The following PIGU variants were observed in gnomAD, a reference collection of about 807,000 sequenced individuals.
PIGU encodes the protein phosphatidylinositol glycan anchor biosynthesis class U, also known as GPI-anchor transamidase component PIGU.
In PIGU, 24 loss-of-function variants were observed where a neutral mutation model predicts 49.9. The observed-to-expected ratio is 0.48, with a 90% CI of 0.35 to 0.68. PIGU has a LOEUF of 0.68. Ranked by LOEUF, PIGU falls within the 30% of genes least tolerant of loss-of-function variation. The pLI, the probability that PIGU is intolerant of heterozygous loss-of-function variation, is 0.01. For synonymous variants in PIGU, 220 were observed against 205.7 expected (o/e 1.07, Z -0.59); for missense variants, 490 against 532.6 (o/e 0.92, Z 0.79).
At chr20:34,657,340 A>T in intron 1 of PIGU, 96 bp from the exon 2 acceptor site, 1 of 840,248 alleles carries the variant, frequency 1.2e-6, no homozygotes, top group South Asian at 1.5e-5. Flanking sequence ...CTTAGCGTTT[A>T]TCTAACCCCC....
Position 34,648,653 on chromosome 20 carries a change from A to AC in PIGU, c.196-3320dup, listed in dbSNP as rs888711941. Among the ~76,000 whole-genome samples the AC allele has an allele frequency of 3.3e-5, 5 of 151,288 alleles. No homozygotes were observed. The East Asian group carries it at 5.8e-4, about 18-fold the overall frequency. ...AGCCTTGACCTCCCAGACTCAGGTG[A>AC]CCCCCCTACCTTACCCTCCTGAGTA... On this transcript the variant is annotated intron_variant, in intron 2 of 11. Transcript: ENST00000217446.
intron 1 of PIGU, among the ~76,000 whole-genome samples, chr20:34,659,106 C>A (rs536020230): frequency 2.1e-5 from 3 of 143,638 alleles, no homozygotes; most frequent in East Asian, 2.2e-4. Flanking sequence ...CGGCCAGCCG[C>A]CCCGTCCGGG....
At chr20:34,664,926 G>A (rs906365120) in intron 1 of PIGU, among the ~76,000 whole-genome samples, 9 of 152,060 alleles carry the variant, frequency 5.9e-5, no homozygotes, top group African/African-American at 1.7e-4. Flanking sequence ...GCTGCAGTAA[G>A]CTGTGATTGT....
chr20:34,662,680 G>A (rs1416153828), intron 1 of PIGU, among the ~76,000 whole-genome samples: 1 of 152,064 alleles, frequency 6.6e-6, no homozygotes, highest in Admixed American at 6.6e-5. Flanking sequence ...AAATAGGTTT[G>A]TTTGTAGAGT....
At chr20:34,565,872 G>A (rs568318583) in intron 11 of PIGU, among the ~76,000 whole-genome samples, 13 of 139,918 alleles carry the variant, frequency 9.3e-5, no homozygotes, top group Admixed American at 1.5e-4. Flanking sequence ...ACACATACAC[G>A]CATGCTTGCA....
At chr20:34,670,162 T>C (rs1302937944) in intron 1 of PIGU, among the ~76,000 whole-genome samples, 2 of 150,846 alleles carry the variant, frequency 1.3e-5, no homozygotes, top group South Asian at 2.1e-4. Flanking sequence ...ATGTGTGTCT[T>C]ACAAATTCTG....
In PIGU at chr20:34,607,852, G is replaced by A. The variant is rs1006862910; in HGVS notation, c.627+8190C>T. Among the ~76,000 whole-genome samples the A allele has an allele frequency of 7.9e-5, 12 of 152,196 alleles. No homozygotes were observed. The East Asian group carries it at 1.3e-3, about 17-fold the overall frequency. ...ACTGGTCTTAAACTCCTGGGATCAA[G>A]TGATCCTCCTGCCTCAGCCTCCCTA... On this transcript the variant is annotated intron_variant, in intron 7 of 11. Transcript: ENST00000217446.
intron 1 of PIGU, among the ~76,000 whole-genome samples, chr20:34,675,788 C>T (rs1165160619): frequency 1.3e-5 from 2 of 152,048 alleles, no homozygotes; most frequent in African/African-American, 4.8e-5. Flanking sequence ...CCAAGTGAGA[C>T]TGCTTGAGTC....
At chr20:34,649,014 C>T (rs1986444784) in intron 2 of PIGU, among the ~76,000 whole-genome samples, 2 of 151,390 alleles carry the variant, frequency 1.3e-5, no homozygotes, top group Admixed American at 1.3e-4. Context: ...ACTACAGGCA[C>T]GTGCCACCAC....
chr20:34,581,440 T>G, intron 10 of PIGU, 108 bp downstream of exon 10: 1 of 1,427,764 alleles, frequency 7.0e-7, no homozygotes, highest in Non-Finnish European at 9.5e-7. Context: ...CTCCTAGTGC[T>G]GCCAGCATAA....
intron 11 of PIGU, among the ~76,000 whole-genome samples, chr20:34,573,418 G>A (rs182073353): frequency 6.6e-4 from 100 of 152,228 alleles, no homozygotes; most frequent in South Asian, 1.9e-3. Flanking sequence ...AACCCCCTGT[G>A]CTGCTTTAGA....
intron 11 of PIGU, among the ~76,000 whole-genome samples, chr20:34,563,599 A>G (rs1568616884): frequency 7.0e-6 from 1 of 143,316 alleles, no homozygotes; most frequent in Non-Finnish European, 1.5e-5. Context: ...AAATCAGCCA[A>G]TAAATCAATG....
chr20:34,656,419 AC>A (rs1986701388), intron 2 of PIGU, among the ~76,000 whole-genome samples: 1 of 117,134 alleles, frequency 8.5e-6, no homozygotes, highest in African/African-American at 3.2e-5. Context: ...AGTAGCTGGG[AC>A]TACAGGCGCC....
At chr20:34,583,532 C>T (rs571747199) in intron 9 of PIGU, among the ~76,000 whole-genome samples, 1 of 152,354 alleles carries the variant, frequency 6.6e-6, no homozygotes, top group South Asian at 2.1e-4. Context: ...GTGGGCCTGG[C>T]TTAGGTCATA....
At chr20:34,568,252 C>T (rs1255859902) in intron 11 of PIGU, among the ~76,000 whole-genome samples, 1 of 152,178 alleles carries the variant, frequency 6.6e-6, no homozygotes, top group Non-Finnish European at 1.5e-5. Flanking sequence ...CTCTTCCTGT[C>T]ACTCTGGTTG....
At position 34,615,974 on chromosome 20, in the gene PIGU, C is replaced by A; in HGVS notation, c.627+68G>T. The A allele has an allele frequency of 2.0e-6, 3 of 1,528,502 alleles. No individual in the cohort carries two copies. In the East Asian group the frequency reaches 7.4e-5, roughly 38 times the overall value. 94.7% of individuals were successfully genotyped at this position (1,528,502 alleles called of 1,614,324 possible). A position where few individuals can be genotyped will look rare whatever the true frequency, so the allele number is the denominator to read the frequency against. The stretch of plus-strand genomic sequence containing the variant: ...TTTACTAACCCGTGCCCTTCCTTTC[C>A]CCCAGCAGGGACCAGGCCATGTATT... On this transcript the variant is annotated intron_variant, in intron 7 of 11. Coordinates refer to ENST00000217446, the MANE Select transcript of PIGU (RefSeq NM_080476.5).
chr20:34,658,999 C>T (rs1245394631), intron 1 of PIGU, among the ~76,000 whole-genome samples: 19 of 142,290 alleles, frequency 1.3e-4, no homozygotes, highest in South Asian at 6.8e-4. Context: ...AGGTGAGGGG[C>T]GCCTCTGCCC....
In PIGU at chr20:34,648,863, TTGATTGAC is replaced by T. The variant is rs551972816; in HGVS notation, c.196-3537_196-3530del. ...TGCACCTGACCTAAGATGTGACTGA[TTGATTGAC>T]TGATTGACTGATTTAGAGATGGAGT... is the stretch of plus-strand genomic sequence containing the variant. On this transcript the variant is annotated intron_variant, in intron 2 of 11. Coordinates refer to ENST00000217446, the MANE Select transcript of PIGU (RefSeq NM_080476.5). 1.9e-3 allele frequency among the ~76,000 whole-genome samples: 291 copies of T among 152,120 alleles called. 1 individual carries two copies. Among genetic ancestry groups the T allele is most frequent in the South Asian group, 7.1e-3 (34 of 4,812 alleles).
chr20:34,668,461 C>CAAAA lies in PIGU; in HGVS notation c.130+8491_130+8494dup, dbSNP rs1209882512. 8.9e-4 allele frequency among the ~76,000 whole-genome samples: 19 copies of CAAAA among 21,256 alleles called. 1 individual carries two copies. The highest frequency in any genetic ancestry group is 2.7e-3 in the African/African-American group (11 of 4,102). 13.9% of individuals were successfully genotyped at this position (21,256 alleles called of 152,430 possible). On this transcript the variant is annotated intron_variant, in intron 1 of 11. Coordinates refer to ENST00000217446, the MANE Select transcript of PIGU (RefSeq NM_080476.5). ...TGGGTGACAGAGCGAGACTCCGTCT[C>CAAAA]AAAAAAAAAAAAAAAAAAAAAAGGG...
Sources: allele counts gnomAD v4.1 joint callset (sites outside exome capture counted in the v4.1 genomes callset), GRCh38; gene constraint gnomAD v4.1.1; transcripts MANE v1.5; gene names NCBI Gene and HGNC (gene_info 2026-07-23, HGNC 2026-07-21).